Variants in TLN2 observed in about 807,000 individuals in gnomAD.
The protein encoded by TLN2 is talin 2, also known as talin-2.
TLN2 carries 118 observed loss-of-function variants against 294.7 expected under a neutral mutation model. The ratio of observed to expected loss-of-function variants is 0.40; its 90% CI spans 0.34 to 0.47. The LOEUF is 0.47. Among genes scored for constraint, TLN2 ranks in the 20% least tolerant of loss-of-function variants. TLN2 has a pLI of 0.84. For synonymous variants in TLN2, 1,431 were observed against 1,304.5 expected, an observed-to-expected ratio of 1.10 and a Z score of -2.09; for missense variants, 3,083 against 3,282.2, an observed-to-expected ratio of 0.94 and a Z score of 1.48.
chr15:62,398,375 A>C (rs1018917383), intron 1 of TLN2, among the ~76,000 whole-genome samples: 1 of 152,172 alleles, frequency 6.6e-6, no homozygotes, highest in Non-Finnish European at 1.5e-5. Context: ...TGACTCAATT[A>C]AACCTGTTTC....
In TLN2 at chr15:62,454,450, C is replaced by T. The variant is rs117621886; in HGVS notation, c.-238+63765C>T. 4.1e-4 allele frequency among the ~76,000 whole-genome samples: 62 copies of T among 152,198 alleles called. No homozygotes were observed. In the East Asian group the frequency reaches 0.011, roughly 27 times the overall value. ...GCTTGGATGAATGGGACCTGAGAGC[C>T]GTCTCCTGCAGGGCTGCTGGTTCTC... On this transcript the variant is annotated intron_variant, in intron 1 of 58. Transcript: ENST00000636159.
intron 1 of TLN2, among the ~76,000 whole-genome samples, chr15:62,522,962 ACACACACACACACACACT>A (rs764695743): frequency 2.1e-4 from 29 of 141,072 alleles, no homozygotes; most frequent in East Asian, 4.4e-4. Context: ...ACACACACAC[ACACACACACACACACACT>A]CTCTCACTCA....
At chr15:62,449,523 T>C (rs2035986736) in intron 1 of TLN2, among the ~76,000 whole-genome samples, 1 of 152,092 alleles carries the variant, frequency 6.6e-6, no homozygotes, top group South Asian at 2.1e-4. Flanking sequence ...GAGTGCCAAA[T>C]TCTCCTTTAA....
chr15:62,823,907 C>A, intron 54 of TLN2: 2 of 508,018 alleles, frequency 3.9e-6, no homozygotes, highest in Non-Finnish European at 8.2e-6. Flanking sequence ...CAGCCGTAAC[C>A]TTCAATACTG....
rs112715141 is a variant in TLN2 at position 62,438,852 on chromosome 15, A to T, written c.-238+48167A>T. ...GTCCCCTGGCTGAGCAGGCCTCAAC[A>T]GTTGGATCCTTCTAGCAACAGCTGT... On this transcript the variant is annotated intron_variant, in intron 1 of 58. Transcript: ENST00000636159. Among the ~76,000 whole-genome samples the T allele has an allele frequency of 6.6e-3, 1,008 of 152,282 alleles. 11 individuals carry two copies. Among genetic ancestry groups the T allele is most frequent in the African/African-American group, 0.023 (971 of 41,544 alleles).
intron 1 of TLN2, among the ~76,000 whole-genome samples, chr15:62,503,905 T>A (rs1361856720): frequency 6.6e-6 from 1 of 152,160 alleles, no homozygotes; most frequent in Non-Finnish European, 1.5e-5. Context: ...TAGTTTTCAG[T>A]GAACTGTACA....
intron 3 of TLN2, among the ~76,000 whole-genome samples, chr15:62,619,905 C>T (rs1596363128): frequency 6.6e-6 from 1 of 152,180 alleles, no homozygotes; most frequent in African/African-American, 2.4e-5. Flanking sequence ...TAACAACCAG[C>T]CCAAAATGGC....
chr15:62,719,971 C>T, intron 25 of TLN2, 91 bp downstream of exon 25: 1 of 977,744 alleles, frequency 1.0e-6, no homozygotes, highest in South Asian at 2.1e-5. Flanking sequence ...AATTCCACAG[C>T]CTCAGCTAAG....
chr15:62,825,826 TATA>T (rs1567687788), intron 54 of TLN2, among the ~76,000 whole-genome samples: 7 of 7,548 alleles, frequency 9.3e-4, no homozygotes, highest in East Asian at 8.5e-3. Flanking sequence ...TAATATATAT[TATA>T]ATATATAATA....
At chr15:62,496,507 T>G (rs1047547342) in intron 1 of TLN2, among the ~76,000 whole-genome samples, 3 of 130,304 alleles carry the variant, frequency 2.3e-5, no homozygotes, top group African/African-American at 9.7e-5. Context: ...GAGAGTGGGC[T>G]GTGGCCCAGC....
chr15:62,612,497 T>A (rs562039911), intron 2 of TLN2, among the ~76,000 whole-genome samples: 2 of 152,280 alleles, frequency 1.3e-5, no homozygotes, highest in South Asian at 4.1e-4. Context: ...CTCCCAGAAG[T>A]TTTAAAACAC....
At position 62,844,131 on chromosome 15, in the gene TLN2, G is replaced by A. The variant is rs1030921428; in HGVS notation, c.*3521G>A. On this transcript the variant is annotated 3_prime_UTR_variant, in exon 59 of 59. Coordinates refer to ENST00000636159, the MANE Select transcript of TLN2 (RefSeq NM_015059.3). Reference sequence around the variant, plus strand: ...CAGAAAGCAAAAGATCTTGACAACTGTGCCAGTAGTGGCTCTGGTCCTATC... The same window carrying A: ...CAGAAAGCAAAAGATCTTGACAACTATGCCAGTAGTGGCTCTGGTCCTATC... The A allele has an allele frequency of 6.6e-6, 1 of 152,164 alleles. No homozygotes were observed. Among genetic ancestry groups the A allele is most frequent in the Non-Finnish European group, 1.5e-5 (1 of 68,090 alleles). 9.4% of individuals were successfully genotyped at this position (152,164 alleles called of 1,614,324 possible).
At chr15:62,492,420 G>A (rs548414975) in intron 1 of TLN2, among the ~76,000 whole-genome samples, 2 of 152,100 alleles carry the variant, frequency 1.3e-5, no homozygotes, top group South Asian at 2.1e-4. Context: ...TTAGCTGGGC[G>A]TGGTTGGGAG....
intron 41 of TLN2, among the ~76,000 whole-genome samples, chr15:62,768,667 T>G (rs1346787847): frequency 6.6e-6 from 1 of 152,228 alleles, no homozygotes; most frequent in Admixed American, 6.5e-5. Context: ...ATGCATGTGC[T>G]AACCCAAGGA....
intron 26 of TLN2, 115 bp from the exon 27 acceptor site, chr15:62,724,861 G>C: frequency 3.8e-6 from 5 of 1,320,886 alleles, no homozygotes; most frequent in Non-Finnish European, 5.0e-6. Context: ...TGCTCCTCCT[G>C]CTGGATTTGG....
intron 5 of TLN2, among the ~76,000 whole-genome samples, chr15:62,651,140 GAC>G (rs1447199867): frequency 6.6e-6 from 1 of 152,194 alleles, no homozygotes; most frequent in African/African-American, 2.4e-5. Flanking sequence ...GATAATTGGA[GAC>G]ACACACTGAT....
At chr15:62,422,898 G>A (rs2034494045) in intron 1 of TLN2, among the ~76,000 whole-genome samples, 1 of 152,192 alleles carries the variant, frequency 6.6e-6, no homozygotes, top group Non-Finnish European at 1.5e-5. Flanking sequence ...AGCTTGCCTG[G>A]AGCAGAACAT....
chr15:62,402,558 G>A (rs1224491873), intron 1 of TLN2, among the ~76,000 whole-genome samples: 1 of 152,052 alleles, frequency 6.6e-6, no homozygotes, highest in Non-Finnish European at 1.5e-5. Context: ...CCCCATCCTT[G>A]GTTAAGCCCA....
chr15:62,564,925 A>ATATATATAT (rs1555430770), intron 1 of TLN2, among the ~76,000 whole-genome samples: 6 of 80,632 alleles, frequency 7.4e-5, no homozygotes, highest in African/African-American at 1.9e-4. Context: ...AAAAAAAAAA[A>ATATATATAT]ATATATATAT....
Sources: gnomAD v4.1 joint callset for allele counts (sites outside exome capture counted in the v4.1 genomes callset) on GRCh38, gnomAD v4.1.1 for gene constraint, MANE v1.5 for transcripts, NCBI Gene and HGNC (gene_info 2026-07-23, HGNC 2026-07-21) for gene names.